The following CELF2 variants were observed in gnomAD, a reference collection of about 807,000 sequenced individuals.
The protein encoded by CELF2 is CUGBP Elav-like family member 2.
A neutral mutation model predicts 62.6 loss-of-function variants in CELF2; 8 were observed. The observed-to-expected ratio is 0.13, with a 90% CI of 0.07 to 0.23. CELF2 has a LOEUF of 0.23. Ranked by LOEUF, CELF2 falls within the 10% of genes least tolerant of loss-of-function variation. CELF2 has a pLI of 1.00. For missense variants in CELF2, 333 were observed against 671.0 expected (o/e 0.50, Z 5.56); for synonymous variants, 258 against 250.0 (o/e 1.03, Z -0.30).
chr10:11,069,380 G>A (rs1027354277), intron 1 of CELF2, among the ~76,000 whole-genome samples: 4 of 152,180 alleles, frequency 2.6e-5, no homozygotes, highest in African/African-American at 9.7e-5. Context: ...TGAAATCTCA[G>A]ATTCTTCAGA....
At chr10:10,768,123 G>A in the CELF2 span, among the ~76,000 whole-genome samples, 2 of 148,248 alleles carry the variant, frequency 1.3e-5, no homozygotes, top group African/African-American at 2.5e-5. Flanking sequence ...CTGAGACCAC[G>A]CCACTGCACT....
rs2065330376 is a variant in CELF2, at chr10:11,159,993, G to A, written c.75-5493G>A. The stretch of plus-strand genomic sequence containing the variant: ...ACCGGCCACTCAGCGGCCTGTCGGA[G>A]CCTCCAGGCTACTCTCCATAGTGTC... On this transcript the variant is annotated intron_variant, in intron 1 of 12. Coordinates refer to ENST00000633077, the MANE Select transcript of CELF2 (RefSeq NM_001326342.2). The surrounding 1 kb of genome is among the most constrained non-coding windows in gnomAD (Gnocchi z 5.0). 6.6e-6 allele frequency among the ~76,000 whole-genome samples: 1 copy of A among 152,184 alleles called. No homozygotes were observed. Among genetic ancestry groups the A allele is most frequent in the Admixed American group, 6.5e-5 (1 of 15,282 alleles).
chr10:10,881,754 T>C (rs2061450083), intron 1 of CELF2, among the ~76,000 whole-genome samples: 1 of 152,176 alleles, frequency 6.6e-6, no homozygotes. Context: ...AATCCCTTTT[T>C]TTCAGATGTG....
At chr10:11,274,099 T>G (rs1056199293) in intron 7 of CELF2, among the ~76,000 whole-genome samples, 1 of 152,030 alleles carries the variant, frequency 6.6e-6, no homozygotes, top group Non-Finnish European at 1.5e-5. Context: ...TGACAATATT[T>G]CAGTAATAAA....
the CELF2 span, among the ~76,000 whole-genome samples, chr10:10,640,990 TG>T: frequency 1.3e-5 from 2 of 152,140 alleles, no homozygotes; most frequent in Non-Finnish European, 2.9e-5. Context: ...GACATGAGTA[TG>T]ATAAACCGTC....
At chr10:11,084,075 A>C (rs2074754013) in intron 1 of CELF2, among the ~76,000 whole-genome samples, 1 of 152,186 alleles carries the variant, frequency 6.6e-6, no homozygotes, top group African/African-American at 2.4e-5. Context: ...CTGAGCAAGT[A>C]ATGTTTTGGC....
the CELF2 span, among the ~76,000 whole-genome samples, chr10:10,490,777 C>T: frequency 6.6e-6 from 1 of 152,086 alleles, no homozygotes; most frequent in Admixed American, 6.6e-5. Flanking sequence ...AGTAAACAGC[C>T]TTCTTCCCAC....
intron 8 of CELF2, among the ~76,000 whole-genome samples, chr10:11,284,423 G>T: frequency 6.7e-6 from 1 of 148,974 alleles, no homozygotes; most frequent in Admixed American, 6.6e-5. Context: ...CTGTGTGGTA[G>T]GTGGATGATG....
chr10:10,877,781 T>C (rs2061201554), intron 1 of CELF2, among the ~76,000 whole-genome samples: 1 of 152,250 alleles, frequency 6.6e-6, no homozygotes, highest in African/African-American at 2.4e-5. Context: ...TAGAGGAGGC[T>C]GAATACATTC....
the CELF2 span, among the ~76,000 whole-genome samples, chr10:10,701,179 G>C: frequency 1.3e-5 from 2 of 152,344 alleles, no homozygotes; most frequent in African/African-American, 4.8e-5. Context: ...GCTGCAGGGA[G>C]CTGGGAGAAA....
the CELF2 span, among the ~76,000 whole-genome samples, chr10:10,575,931 A>G: frequency 6.6e-6 from 1 of 152,228 alleles, no homozygotes; most frequent in Admixed American, 6.5e-5. Context: ...ATGAGCAGAC[A>G]TTATCTCTGG....
At chr10:10,544,783 A>G in the CELF2 span, among the ~76,000 whole-genome samples, 1 of 152,212 alleles carries the variant, frequency 6.6e-6, no homozygotes. Context: ...CACAAATGTA[A>G]CAGAGAAGGA....
chr10:10,796,942 GC>G, upstream of CELF2: 1 of 967,544 alleles, frequency 1.0e-6, no homozygotes. Flanking sequence ...AGAGACAGTT[GC>G]ACTTCTGAAG....
chr10:10,703,861 G>T, the CELF2 span, among the ~76,000 whole-genome samples: 1 of 152,166 alleles, frequency 6.6e-6, no homozygotes, highest in Non-Finnish European at 1.5e-5. Flanking sequence ...TCGAAGGTAC[G>T]ATCACAGAAC....
the CELF2 span, among the ~76,000 whole-genome samples, chr10:10,707,332 T>C: frequency 6.6e-6 from 1 of 152,224 alleles, no homozygotes; most frequent in African/African-American, 2.4e-5. Flanking sequence ...GGATACCTGA[T>C]GCTCTGAGGA....
intron 4 of CELF2, among the ~76,000 whole-genome samples, chr10:11,253,309 T>G (rs555259781): frequency 2.0e-5 from 3 of 152,332 alleles, no homozygotes; most frequent in African/African-American, 7.2e-5. Context: ...CTGCTGTGTG[T>G]GTCTCTCTCA....
upstream of CELF2, chr10:11,005,128 G>A (rs1592968740): frequency 1.0e-6 from 1 of 985,336 alleles, no homozygotes; most frequent in East Asian, 1.1e-4. The surrounding 1 kb of genome is among the most constrained non-coding windows in gnomAD (Gnocchi z 4.3). Flanking sequence ...GTGTATTAGT[G>A]TAATAATATG....
At chr10:10,871,497 GT>G (rs1284409126) in intron 1 of CELF2, among the ~76,000 whole-genome samples, 4 of 152,124 alleles carry the variant, frequency 2.6e-5, no homozygotes, top group African/African-American at 7.2e-5. Flanking sequence ...CTTTGCTTGT[GT>G]TAGAAACCTA....
rs1434092382 is a variant in CELF2, at chr10:11,288,311, C to T, written c.842-107C>T. 6 of 1,411,280 alleles carry T rather than the reference C, an allele frequency of 4.3e-6. No homozygotes were observed. The African/African-American group carries it at 4.3e-5, about 10-fold the overall frequency. The allele number at this position is 1,411,280 out of a possible 1,614,324, so 87.4% of individuals were successfully genotyped here. A position where few individuals can be genotyped will look rare whatever the true frequency, so the allele number is the denominator to read the frequency against. The stretch of plus-strand genomic sequence containing the variant: ...CCAGGCAGGTGACCTTGCACAGGGT[C>T]GTCTGCTCTCATCATGTGTCCTGAC... On this transcript the variant is annotated intron_variant, in intron 8 of 12. Coordinates refer to ENST00000633077, the MANE Select transcript of CELF2 (RefSeq NM_001326342.2).
Sources: allele counts gnomAD v4.1 joint callset (sites outside exome capture counted in the v4.1 genomes callset), GRCh38; gene constraint gnomAD v4.1.1; non-coding constraint Gnocchi (gnomAD v3.1); transcripts MANE v1.5; gene names NCBI Gene and HGNC (gene_info 2026-07-23, HGNC 2026-07-21).